The following ZNF236 variants were observed in gnomAD, a reference collection of about 807,000 sequenced individuals.
ZNF236 encodes regulated by glucose.
Under a neutral mutation model 191.2 loss-of-function variants are expected in ZNF236, and 50 were observed. That is an observed-to-expected ratio of 0.26 (90% CI 0.21 to 0.33). The LOEUF (loss-of-function observed/expected upper bound fraction) is 0.33, where lower values mean the gene tolerates loss of function less well. Ranked by LOEUF, ZNF236 falls within the 10% of genes least tolerant of loss-of-function variation. The probability of loss-of-function intolerance (pLI) is 1.00; values close to 1 mark genes in which losing one functional copy is unlikely to be tolerated. For synonymous variants in ZNF236, 907 were observed against 928.8 expected, an observed-to-expected ratio of 0.98 and a Z score of 0.43; for missense variants, 1,754 against 2,374.5, an observed-to-expected ratio of 0.74 and a Z score of 5.43.
At position 76,968,310 on chromosome 18, in the gene ZNF236, G is replaced by T. The variant is rs761914748; in HGVS notation, c.5515G>T (p.Glu1839Ter). ...LEEVVQEAAG[E>*]WQALTHVF The stretch of plus-strand genomic sequence containing the variant: ...GGAGGTGGTGCAGGAGGCCGCCGGC[G>T]AGTGGCAGGCCCTCACCCACGTCTT... Residue 1839 changes from glutamate (E) to a stop codon, truncating the protein, a stop_gained, in exon 31 of 31, where the codon GAG becomes TAG. Coordinates refer to ENST00000320610, the MANE Select transcript of ZNF236 (RefSeq NM_001306089.2). LOFTEE classifies it high-confidence loss of function. 1.2e-6 allele frequency: 2 copies of T among 1,608,906 alleles called. No individual in the cohort carries two copies. The highest frequency in any genetic ancestry group is 8.5e-7 in the Non-Finnish European group (1 of 1,178,670).
chr18:76,955,974 G>A lies in ZNF236; in HGVS notation c.4915-11G>A, dbSNP rs773859756. On this transcript the variant is annotated splice_polypyrimidine_tract_variant and intron_variant, in intron 27 of 30. Transcript: ENST00000320610. ...AGTGAGTGGAAAGTCACAATTTCTG[G>A]CTCTTTCCAGGTAGCTGGCGTCTCT... The A allele has an allele frequency of 9.5e-5, 153 of 1,604,298 alleles. No individual in the cohort carries two copies. The highest frequency in any genetic ancestry group is 1.3e-4 in the Non-Finnish European group (150 of 1,176,864).
At chr18:76,882,676 A>G (rs2849839) in intron 9 of ZNF236, among the ~76,000 whole-genome samples, 53,021 of 151,998 alleles carry the variant, frequency 0.35, 9,624 homozygotes, top group East Asian at 0.51. Context: ...ATGATTCTGA[A>G]GTTCTTGTTT....
chr18:76,915,874 T>C lies in ZNF236; in HGVS notation c.3274+15T>C, dbSNP rs111603010. Reference sequence around the variant, plus strand: ...AGAAGGAGGAGGTATTTTCCATTTGTTGATTCAAGGTGTATTAACCCGATG... The same window carrying C: ...AGAAGGAGGAGGTATTTTCCATTTGCTGATTCAAGGTGTATTAACCCGATG... On this transcript the variant is annotated intron_variant, in intron 19 of 30. Transcript: ENST00000320610. 1.6e-5 allele frequency: 25 copies of C among 1,610,142 alleles called. No individual in the cohort carries two copies. The African/African-American group carries it at 2.9e-4, about 19-fold the overall frequency.
intron 9 of ZNF236, among the ~76,000 whole-genome samples, chr18:76,889,236 G>C (rs538828730): frequency 2.6e-5 from 4 of 152,324 alleles, no homozygotes; most frequent in Middle Eastern, 3.4e-3. Context: ...TATTTCTGCA[G>C]AAGTTTCTGA....
At position 76,914,577 on chromosome 18, in the gene ZNF236, G is replaced by A. The variant is rs189641164; in HGVS notation, c.3061+679G>A. Among the ~76,000 whole-genome samples, 24 of 152,220 alleles carry A rather than the reference G, an allele frequency of 1.6e-4. 1 individual carries two copies. The East Asian group carries it at 4.6e-3, about 29-fold the overall frequency. On this transcript the variant is annotated intron_variant, in intron 18 of 30. Transcript: ENST00000320610. ...GGCTATTATTGCTTCTCTTATGACC[G>A]GCCTTGTGGATGGTCATGAGCCTTC...
At chr18:76,860,618 G>A (rs1298800270) in intron 3 of ZNF236, among the ~76,000 whole-genome samples, 1 of 152,008 alleles carries the variant, frequency 6.6e-6, no homozygotes, top group African/African-American at 2.4e-5. Context: ...TGGTCTCCTG[G>A]GTAGGACCAC....
intron 26 of ZNF236, among the ~76,000 whole-genome samples, chr18:76,944,593 C>A (rs2122906576): frequency 6.6e-6 from 1 of 152,124 alleles, no homozygotes; most frequent in South Asian, 2.1e-4. Context: ...CCAGCTTGGC[C>A]AACACGGTGA....
At chr18:76,854,857 CA>C (rs1340133016) in intron 3 of ZNF236, among the ~76,000 whole-genome samples, 4 of 152,174 alleles carry the variant, frequency 2.6e-5, no homozygotes, top group Admixed American at 2.0e-4. Context: ...CCTTCTCTTG[CA>C]GAGTTTAGGA....
rs376333887 is a variant in ZNF236, at chr18:76,956,039, C to T, written c.4969C>T (p.Arg1657Trp). 2.8e-5 allele frequency: 45 copies of T among 1,610,078 alleles called. No individual in the cohort carries two copies. The highest frequency in any genetic ancestry group is 4.0e-5 in the African/African-American group (3 of 74,892). Residue 1657 changes from arginine to tryptophan, a missense_variant, in exon 28 of 31, where the codon CGG (arginine) becomes TGG (tryptophan). Around this residue, in one of 5 missense-constraint regions of ZNF236, gnomAD observed 606 missense variants for 761.5 expected, o/e 0.80. Coordinates refer to ENST00000320610, the MANE Select transcript of ZNF236 (RefSeq NM_001306089.2). ...APGNQPEKEG[R>W]AHQCLECDRA... Reference sequence around the variant, plus strand: ...GGGCAACCAGCCAGAGAAGGAGGGCCGGGCGCACCAGTGCCTGGAGTGTGA... The same window carrying T: ...GGGCAACCAGCCAGAGAAGGAGGGCTGGGCGCACCAGTGCCTGGAGTGTGA...
rs151259428 is a variant in ZNF236, at chr18:76,852,985, A to G, written c.363+1046A>G. ...ACGCTTTTGGCTTGTGATATTTCCA[A>G]TTCACCATGGGTTTATCAGGATGTA... On this transcript the variant is annotated intron_variant, in intron 3 of 30. Transcript: ENST00000320610. Among the ~76,000 whole-genome samples the G allele has an allele frequency of 6.4e-3, 974 of 152,292 alleles. 3 individuals carry two copies. The highest frequency in any genetic ancestry group is 0.017 in the Middle Eastern group (5 of 294).
intron 1 of ZNF236, among the ~76,000 whole-genome samples, chr18:76,845,804 G>A (rs535931950): frequency 2.8e-4 from 42 of 151,722 alleles, no homozygotes; most frequent in Non-Finnish European, 4.7e-4. Flanking sequence ...AGCAGAGATC[G>A]CACCATTGCA....
At chr18:76,924,471 T>G (rs927589873) in intron 21 of ZNF236, among the ~76,000 whole-genome samples, 3 of 152,234 alleles carry the variant, frequency 2.0e-5, no homozygotes, top group African/African-American at 4.8e-5. Flanking sequence ...CAGGTTGCAC[T>G]AGTCCCTCGG....
At chr18:76,872,864 TA>T (rs1220771660) in intron 5 of ZNF236, among the ~76,000 whole-genome samples, 2 of 152,270 alleles carry the variant, frequency 1.3e-5, no homozygotes, top group African/African-American at 4.8e-5. Flanking sequence ...ATCTCACAGC[TA>T]TTTTGCTTGG....
intron 1 of ZNF236, among the ~76,000 whole-genome samples, chr18:76,825,663 T>C (rs1974993614): frequency 6.6e-6 from 1 of 152,268 alleles, no homozygotes; most frequent in African/African-American, 2.4e-5. Flanking sequence ...TAATGTGTAG[T>C]AGACATTTTA....
intron 22 of ZNF236, 59 bp from the exon 23 acceptor site, chr18:76,926,978 C>T: frequency 6.5e-7 from 1 of 1,549,832 alleles, no homozygotes; most frequent in South Asian, 1.2e-5. Context: ...AAATGAATTA[C>T]TTTAGTTTTA....
rs3752075 is a variant in ZNF236, at chr18:76,925,111, T to C, written c.3662-78T>C. 0.37 allele frequency: 573,417 copies of C among 1,546,858 alleles called. 114,041 individuals are homozygous for C. The highest frequency in any genetic ancestry group is 0.42 in the Non-Finnish European group (477,528 of 1,148,062). On this transcript the variant is annotated intron_variant, in intron 21 of 30. Transcript: ENST00000320610. The surrounding 1 kb of genome is among the most constrained non-coding windows in gnomAD (Gnocchi z 5.7). ...CACTGATTCAACATATTTACATCCATAGTGACAGCTGAGTGGGGTGGGGGT... is the reference window on the plus strand; with the variant it reads ...CACTGATTCAACATATTTACATCCACAGTGACAGCTGAGTGGGGTGGGGGT...
chr18:76,837,143 C>CCCCCCCCCCCCCCCG (rs1975358526), intron 1 of ZNF236, among the ~76,000 whole-genome samples: 4 of 125,872 alleles, frequency 3.2e-5, no homozygotes, highest in African/African-American at 1.1e-4. Context: ...CCCCCCCGCC[C>CCCCCCCCCCCCCCCG]CGCAAGCCTC....
chr18:76,893,001 G>A (rs1056377768), intron 9 of ZNF236, among the ~76,000 whole-genome samples: 2 of 152,184 alleles, frequency 1.3e-5, no homozygotes, highest in African/African-American at 4.8e-5. Context: ...AACATTGTGT[G>A]GGTGAAACAA....
intron 3 of ZNF236, among the ~76,000 whole-genome samples, chr18:76,858,120 A>C (rs1976101330): frequency 6.6e-6 from 1 of 152,172 alleles, no homozygotes; most frequent in Non-Finnish European, 1.5e-5. Flanking sequence ...ATCTACACAT[A>C]ATAATCGGGT....
Sources: allele counts gnomAD v4.1 joint callset (sites outside exome capture counted in the v4.1 genomes callset), GRCh38; gene constraint gnomAD v4.1.1; regional missense constraint gnomAD v4.1.1; non-coding constraint Gnocchi (gnomAD v3.1); transcripts MANE v1.5; gene names NCBI Gene and HGNC (gene_info 2026-07-23, HGNC 2026-07-21).